The following YPEL2 variants were observed in gnomAD, a reference collection of about 807,000 sequenced individuals.
The protein encoded by YPEL2 is yippee like 2, also known as protein yippee-like 2.
A neutral mutation model predicts 19.1 loss-of-function variants in YPEL2; 2 were observed. The observed-to-expected ratio is 0.10, with a 90% CI of 0.04 to 0.33. The LOEUF is 0.33. YPEL2 is among the 10% of genes least tolerant of loss of function. The probability of loss-of-function intolerance (pLI) is 1.00; values close to 1 mark genes in which losing one functional copy is unlikely to be tolerated. For missense variants in YPEL2, 66 were observed against 140.7 expected, an observed-to-expected ratio of 0.47 and a Z score of 2.68; for synonymous variants, 52 against 50.0, an observed-to-expected ratio of 1.04 and a Z score of -0.17.
intron 2 of YPEL2, among the ~76,000 whole-genome samples, chr17:59,372,138 A>G (rs2047900065): frequency 6.6e-6 from 1 of 152,210 alleles, no homozygotes; most frequent in Admixed American, 6.5e-5. Context: ...GCCTCTGTGT[A>G]TAAGTTGGTC....
chr17:59,398,626 T>G lies in YPEL2; in HGVS notation c.*1436T>G, dbSNP rs2048053693. On this transcript the variant is annotated 3_prime_UTR_variant, in exon 5 of 5. Transcript: ENST00000312655. ...TACATTTAATCAACACTGTGAAGTCTGTTCTACAGCAATTCAGCCATTACA... is the reference window on the plus strand; with the variant it reads ...TACATTTAATCAACACTGTGAAGTCGGTTCTACAGCAATTCAGCCATTACA... The G allele has an allele frequency of 6.6e-6, 1 of 152,216 alleles. No homozygotes were observed. The highest frequency in any genetic ancestry group is 1.5e-5 in the Non-Finnish European group (1 of 68,044). The allele number at this position is 152,216 out of a possible 1,614,324, so 9.4% of individuals were successfully genotyped here.
intron 3 of YPEL2, among the ~76,000 whole-genome samples, chr17:59,388,647 C>G (rs1215072238): frequency 6.6e-6 from 1 of 152,180 alleles, no homozygotes; most frequent in Non-Finnish European, 1.5e-5. Context: ...CTGAGAGCCT[C>G]AACCTGAAGG....
At chr17:59,347,094 A>G (rs1472324120) in intron 1 of YPEL2, among the ~76,000 whole-genome samples, 1 of 152,172 alleles carries the variant, frequency 6.6e-6, no homozygotes, top group Non-Finnish European at 1.5e-5. Flanking sequence ...CCTGGAATGT[A>G]TTATGTGGTT....
At chr17:59,357,247 A>C (rs1304757261) in intron 2 of YPEL2, among the ~76,000 whole-genome samples, 2 of 152,210 alleles carry the variant, frequency 1.3e-5, no homozygotes, top group Non-Finnish European at 2.9e-5. Flanking sequence ...GGAGGGGATT[A>C]TTCCTGCCTG....
chr17:59,384,027 G>A (rs564209052), intron 2 of YPEL2, among the ~76,000 whole-genome samples: 1 of 152,246 alleles, frequency 6.6e-6, no homozygotes, highest in African/African-American at 2.4e-5. Flanking sequence ...TTGGGTAAAT[G>A]AAATTGCCAG....
chr17:59,335,479 C>T (rs2047694278), intron 1 of YPEL2, among the ~76,000 whole-genome samples: 1 of 151,966 alleles, frequency 6.6e-6, no homozygotes. Flanking sequence ...TCTGAGGTTT[C>T]TGAAACATGC....
chr17:59,388,501 T>C, intron 3 of YPEL2, 131 bp downstream of exon 3: 1 of 912,368 alleles, frequency 1.1e-6, no homozygotes, highest in Non-Finnish European at 1.8e-6. Flanking sequence ...AGCATTACTG[T>C]CCACAATTGG....
intron 1 of YPEL2, among the ~76,000 whole-genome samples, chr17:59,345,771 A>G (rs986756898): frequency 1.3e-5 from 2 of 152,244 alleles, no homozygotes; most frequent in African/African-American, 4.8e-5. Context: ...GGTAAGGGTG[A>G]CTGTAGCTAA....
intron 2 of YPEL2, among the ~76,000 whole-genome samples, chr17:59,363,988 C>T (rs2047855043): frequency 6.6e-6 from 1 of 152,160 alleles, no homozygotes; most frequent in Non-Finnish European, 1.5e-5. Context: ...TCTAGTGAGT[C>T]TTCCTGGCTT....
chr17:59,401,412 T>A lies in YPEL2; in HGVS notation c.*4222T>A, dbSNP rs2048070530. ...TACCAAATTCTATCTGCGCATATGT[T>A]TTTGTATAACATTTCGGTGACAGTG... On this transcript the variant is annotated 3_prime_UTR_variant, in exon 5 of 5. Coordinates refer to ENST00000312655, the MANE Select transcript of YPEL2 (RefSeq NM_001005404.4). 6.5e-6 allele frequency: 1 copy of A among 152,682 alleles called. No homozygotes were observed. Among genetic ancestry groups the A allele is most frequent in the South Asian group, 2.1e-4 (1 of 4,832 alleles). 9.5% of individuals were successfully genotyped at this position (152,682 alleles called of 1,614,324 possible).
intron 2 of YPEL2, among the ~76,000 whole-genome samples, chr17:59,366,718 G>A (rs183559669): frequency 2.2e-4 from 34 of 152,266 alleles, no homozygotes; most frequent in Admixed American, 1.2e-3. Flanking sequence ...TGTTCCAAAC[G>A]ACAGGTACAA....
At chr17:59,371,605 C>A (rs1377189286) in intron 2 of YPEL2, among the ~76,000 whole-genome samples, 1 of 152,146 alleles carries the variant, frequency 6.6e-6, no homozygotes. Flanking sequence ...CCAGACCTCT[C>A]AGAGATGTTT....
At chr17:59,347,795 G>A (rs1399039466) in intron 1 of YPEL2, among the ~76,000 whole-genome samples, 2 of 152,140 alleles carry the variant, frequency 1.3e-5, no homozygotes, top group African/African-American at 4.8e-5. Context: ...CTAATGGAAG[G>A]GGCAGGCTGG....
chr17:59,369,042 G>T (rs1024796888), intron 2 of YPEL2, among the ~76,000 whole-genome samples: 1 of 151,094 alleles, frequency 6.6e-6, no homozygotes, highest in African/African-American at 2.4e-5. Flanking sequence ...GAGGGCCTTT[G>T]TTAGTTCATG....
intron 1 of YPEL2, among the ~76,000 whole-genome samples, chr17:59,332,418 G>C (rs1393369780): frequency 6.6e-6 from 1 of 152,188 alleles, no homozygotes; most frequent in African/African-American, 2.4e-5. Context: ...GCCGCGTCTC[G>C]GCGCCTCCCC....
intron 4 of YPEL2, among the ~76,000 whole-genome samples, chr17:59,394,002 A>C (rs1017946314): frequency 3.3e-5 from 5 of 152,330 alleles, no homozygotes; most frequent in East Asian, 1.9e-4. Flanking sequence ...CATTGTCATC[A>C]TGGCCCGTTC....
intron 2 of YPEL2, among the ~76,000 whole-genome samples, chr17:59,369,328 C>T (rs903774990): frequency 2.0e-5 from 3 of 152,184 alleles, no homozygotes; most frequent in African/African-American, 7.2e-5. Context: ...AATGGGGATT[C>T]TTGGACAGTG....
chr17:59,377,515 C>T (rs2047928195), intron 2 of YPEL2, among the ~76,000 whole-genome samples: 1 of 152,216 alleles, frequency 6.6e-6, no homozygotes, highest in South Asian at 2.1e-4. Flanking sequence ...TGATCATGGG[C>T]ATCCCCCACT....
chr17:59,332,774 C>A (rs568591240), intron 1 of YPEL2, among the ~76,000 whole-genome samples: 14 of 152,334 alleles, frequency 9.2e-5, no homozygotes, highest in Admixed American at 4.6e-4. Flanking sequence ...GCCCGCCCCC[C>A]AGTCCCGCCG....
Sources: gnomAD v4.1 joint callset for allele counts (sites outside exome capture counted in the v4.1 genomes callset) on GRCh38, gnomAD v4.1.1 for gene constraint, MANE v1.5 for transcripts, NCBI Gene and HGNC (gene_info 2026-07-23, HGNC 2026-07-21) for gene names.